TMEM182: variants seen among roughly 807,000 people sequenced by gnomAD.
TMEM182 encodes the protein transmembrane protein 182.
Under a neutral mutation model 26.8 loss-of-function variants are expected in TMEM182, and 20 were observed. The observed-to-expected ratio is 0.75, with a 90% confidence interval of 0.53 to 1.09. The LOEUF (loss-of-function observed/expected upper bound fraction) is 1.09, where lower values mean the gene tolerates loss of function less well. Ranked by LOEUF, TMEM182 falls within the 50% of genes least tolerant of loss-of-function variation. The pLI is 0.00. For missense variants in TMEM182, 277 were observed against 275.5 expected, an observed-to-expected ratio of 1.01 and a Z score of -0.04; for synonymous variants, 109 against 102.2, an observed-to-expected ratio of 1.07 and a Z score of -0.40.
chr2:102,786,340 G>C (rs1167727354), intron 3 of TMEM182, among the ~76,000 whole-genome samples: 1 of 149,274 alleles, frequency 6.7e-6, no homozygotes, highest in Non-Finnish European at 1.5e-5. Flanking sequence ...TCAGCCTCCT[G>C]AGTACCTGGG....
chr2:102,768,073 A>G (rs1172455103), intron 3 of TMEM182, among the ~76,000 whole-genome samples: 2 of 152,176 alleles, frequency 1.3e-5, no homozygotes, highest in Non-Finnish European at 2.9e-5. Context: ...CCCCTACGCC[A>G]CTGGTACATG....
downstream of TMEM182, among the ~76,000 whole-genome samples, chr2:102,822,108 A>G (rs972541503): frequency 2.0e-5 from 3 of 152,180 alleles, no homozygotes; most frequent in African/African-American, 7.2e-5. Context: ...TACCCCCAAA[A>G]TATGTGCAAC....
chr2:102,742,058 G>C (rs1679559646), intron 1 of TMEM182, among the ~76,000 whole-genome samples: 1 of 152,176 alleles, frequency 6.6e-6, no homozygotes, highest in South Asian at 2.1e-4. Flanking sequence ...ACTAGACTCA[G>C]ATATGACACA....
upstream of TMEM182, chr2:102,758,588 C>A: frequency 4.4e-6 from 3 of 682,702 alleles, no homozygotes; most frequent in South Asian, 1.6e-5. Context: ...CTCTCCAGAG[C>A]TTAACAAGTA....
intron 1 of TMEM182, among the ~76,000 whole-genome samples, chr2:102,746,776 A>G (rs1043943621): frequency 2.0e-5 from 3 of 152,028 alleles, no homozygotes; most frequent in Admixed American, 2.0e-4. Flanking sequence ...TTTAGTAGAG[A>G]TGGGATTTCA....
Position 102,798,086 on chromosome 2 carries a change from C to T in TMEM182, c.469+86C>T, listed in dbSNP as rs1046376514. ...TTCATTTCTATATTCAGGCGTCAGCCTTCTAGTAACAGTAACACAATAATA... is the reference window on the plus strand; with the variant it reads ...TTCATTTCTATATTCAGGCGTCAGCTTTCTAGTAACAGTAACACAATAATA... On this transcript the variant is annotated intron_variant, in intron 4 of 4. Transcript: ENST00000412401. 4 of 1,481,748 alleles carry T rather than the reference C, an allele frequency of 2.7e-6. No homozygotes were observed. In the African/African-American group the frequency reaches 5.6e-5, roughly 21 times the overall value. The allele number at this position is 1,481,748 out of a possible 1,614,324, so 91.8% of individuals were successfully genotyped here.
chr2:102,801,275 G>A (rs1682118547), intron 4 of TMEM182, among the ~76,000 whole-genome samples: 1 of 152,136 alleles, frequency 6.6e-6, no homozygotes, highest in African/African-American at 2.4e-5. Flanking sequence ...AGACCTCAGG[G>A]TAAAGCAGGA....
At chr2:102,810,140 A>G (rs1189301916) in intron 4 of TMEM182, among the ~76,000 whole-genome samples, 1 of 152,210 alleles carries the variant, frequency 6.6e-6, no homozygotes, top group Non-Finnish European at 1.5e-5. Flanking sequence ...AAAAAAAAAT[A>G]CATGTAAGAG....
intron 1 of TMEM182, among the ~76,000 whole-genome samples, chr2:102,745,341 C>A (rs1370118863): frequency 1.3e-5 from 2 of 151,874 alleles, no homozygotes; most frequent in Non-Finnish European, 2.9e-5. Context: ...TTAACTTTTC[C>A]ATTATAATCT....
At chr2:102,826,144 CACA>C (rs1287684851) in intron 3 of TMEM182, among the ~76,000 whole-genome samples, 1 of 152,114 alleles carries the variant, frequency 6.6e-6, no homozygotes, top group Non-Finnish European at 1.5e-5. Context: ...TGCCATGACT[CACA>C]ACATTTATGA....
At chr2:102,825,069 T>C (rs1245985949) in intron 3 of TMEM182, among the ~76,000 whole-genome samples, 1 of 152,222 alleles carries the variant, frequency 6.6e-6, no homozygotes, top group Non-Finnish European at 1.5e-5. Flanking sequence ...ACATGTTATT[T>C]TATGTTGTTT....
At chr2:102,838,044 C>G (rs1683278965) in intron 3 of TMEM182, among the ~76,000 whole-genome samples, 1 of 152,180 alleles carries the variant, frequency 6.6e-6, no homozygotes, top group African/African-American at 2.4e-5. Context: ...CAAGGTAACC[C>G]TACCCCGGAA....
At chr2:102,774,255 T>C (rs1157536663) in intron 3 of TMEM182, among the ~76,000 whole-genome samples, 1 of 138,372 alleles carries the variant, frequency 7.2e-6, no homozygotes, top group African/African-American at 2.7e-5. Flanking sequence ...TCTTTCTTTT[T>C]TTTTTTTTTT....
Position 102,797,805 on chromosome 2 carries a change from G to A in TMEM182, c.332-58G>A, listed in dbSNP as rs182377965. On this transcript the variant is annotated intron_variant, in intron 3 of 4. Transcript: ENST00000412401. ...AAGCAACTGACTGTGACAATCTGCT[G>A]TGTACACAATCTAAGTGTATTTTTC... is the stretch of plus-strand genomic sequence containing the variant. The A allele has an allele frequency of 1.3e-5, 21 of 1,565,590 alleles. No homozygotes were observed. In the East Asian group the frequency reaches 4.3e-4, roughly 32 times the overall value.
At chr2:102,827,062 G>A (rs1357778313) in intron 3 of TMEM182, among the ~76,000 whole-genome samples, 1 of 152,112 alleles carries the variant, frequency 6.6e-6, no homozygotes, top group Admixed American at 6.5e-5. Flanking sequence ...GAAACGGGTC[G>A]CTCTCATCAC....
At chr2:102,764,482 A>T in intron 3 of TMEM182, 55 bp downstream of exon 3, 4 of 1,469,802 alleles carry the variant, frequency 2.7e-6, no homozygotes, top group Non-Finnish European at 3.8e-6. Flanking sequence ...TTTCTGAAGG[A>T]TGCCCAGATC....
At chr2:102,832,113 G>C (rs1683161454) in intron 3 of TMEM182, among the ~76,000 whole-genome samples, 2 of 152,172 alleles carry the variant, frequency 1.3e-5, no homozygotes, top group Non-Finnish European at 2.9e-5. Flanking sequence ...GGATACAGTG[G>C]TCATGTATTT....
At chr2:102,776,012 A>G (rs943452174) in intron 3 of TMEM182, among the ~76,000 whole-genome samples, 1 of 152,182 alleles carries the variant, frequency 6.6e-6, no homozygotes, top group Non-Finnish European at 1.5e-5. Context: ...TAGAAATGAA[A>G]TTCAGTTTTT....
chr2:102,743,014 G>T (rs1277355497), intron 1 of TMEM182, among the ~76,000 whole-genome samples: 3 of 152,086 alleles, frequency 2.0e-5, no homozygotes. Context: ...ATGAAAATAA[G>T]ATCTTTTATT....
Sources: gnomAD v4.1 joint callset for allele counts (sites outside exome capture counted in the v4.1 genomes callset) on GRCh38, gnomAD v4.1.1 for gene constraint, MANE v1.5 for transcripts, NCBI Gene and HGNC (gene_info 2026-07-23, HGNC 2026-07-21) for gene names.